Variants in USH2A observed in about 807,000 individuals in gnomAD.
The protein encoded by USH2A is Usher syndrome 2A (autosomal recessive, mild).
USH2A carries 443 observed loss-of-function variants against 538.9 expected under a neutral mutation model. That is an observed-to-expected ratio of 0.82 (90% CI 0.76 to 0.89). USH2A has a LOEUF of 0.89. Among genes scored for constraint, USH2A ranks in the 40% least tolerant of loss-of-function variants. USH2A has a pLI of 0.00. For missense variants in USH2A, 6,633 were observed against 6,324.8 expected (o/e 1.05, Z -1.65); for synonymous variants, 2,413 against 2,273.5 (o/e 1.06, Z -1.75).
intron 10 of USH2A, 30 bp from the exon 11 acceptor site, chr1:216,289,440 C>T (rs1245588126): frequency 2.3e-5 from 37 of 1,613,222 alleles, no homozygotes; most frequent in Non-Finnish European, 3.0e-5. Context: ...TGCATTATGA[C>T]TTCTAATTCA....
intron 44 of USH2A, among the ~76,000 whole-genome samples, chr1:215,850,282 T>C (rs1663981859): frequency 6.6e-6 from 1 of 152,142 alleles, no homozygotes; most frequent in South Asian, 2.1e-4. Flanking sequence ...TAGTAACCAT[T>C]AATATCATTA....
At chr1:216,373,732 C>T (rs962649332) in intron 3 of USH2A, among the ~76,000 whole-genome samples, 2 of 150,948 alleles carry the variant, frequency 1.3e-5, no homozygotes, top group African/African-American at 4.9e-5. Context: ...AGAAAAAACA[C>T]CTCCAGCCCC....
intron 20 of USH2A, among the ~76,000 whole-genome samples, chr1:216,186,025 T>G (rs149444353): frequency 2.2e-3 from 335 of 151,936 alleles, no homozygotes; most frequent in African/African-American, 7.7e-3. Flanking sequence ...GAGACTTTCT[T>G]TTTCTGCTGG....
At chr1:216,414,962 A>G (rs1366221369) in intron 3 of USH2A, among the ~76,000 whole-genome samples, 1 of 152,154 alleles carries the variant, frequency 6.6e-6, no homozygotes, top group Non-Finnish European at 1.5e-5. Flanking sequence ...TTATACTAAA[A>G]TATTTTTTCT....
At chr1:216,163,218 TG>T (rs1352110799) in intron 21 of USH2A, among the ~76,000 whole-genome samples, 5 of 151,956 alleles carry the variant, frequency 3.3e-5, no homozygotes. Context: ...GGGATGGAAT[TG>T]GTATTTTATC....
chr1:216,155,953 T>C lies in USH2A; in HGVS notation c.4627+19299A>G, dbSNP rs912303508. Among the ~76,000 whole-genome samples the C allele has an allele frequency of 4.6e-5, 7 of 152,298 alleles. No individual in the cohort carries two copies. The East Asian group carries it at 1.3e-3, about 29-fold the overall frequency. ...AGTGAGTCAATCTATGAATGGTACA[T>C]GTACAATATCAGTGAAAATATCAGC... On this transcript the variant is annotated intron_variant, in intron 21 of 71. Coordinates refer to ENST00000307340, the MANE Select transcript of USH2A (RefSeq NM_206933.4).
At chr1:215,712,717 A>T (rs528199204) in intron 61 of USH2A, among the ~76,000 whole-genome samples, 1 of 152,330 alleles carries the variant, frequency 6.6e-6, no homozygotes, top group East Asian at 1.9e-4. Flanking sequence ...GAAGAAATCC[A>T]TACTTTTGGG....
chr1:216,170,163 TAAG>T (rs1229735387), intron 21 of USH2A, among the ~76,000 whole-genome samples: 2 of 152,104 alleles, frequency 1.3e-5, no homozygotes, highest in Non-Finnish European at 1.5e-5. Context: ...TCACTAAAAA[TAAG>T]AAGACTAATA....
chr1:215,983,716 A>G (rs903595182), intron 35 of USH2A, among the ~76,000 whole-genome samples: 2 of 152,228 alleles, frequency 1.3e-5, no homozygotes, highest in East Asian at 1.9e-4. Context: ...CAGGAAACCA[A>G]TGACAACTCA....
In USH2A at chr1:215,634,651, T is replaced by G. The variant is rs762610249; in HGVS notation, c.15105A>C (p.Thr5035=). 4.3e-6 allele frequency: 7 copies of G among 1,614,126 alleles called. No homozygotes were observed. In the East Asian group the frequency reaches 1.6e-4, roughly 36 times the overall value. The change falls in exon 70 of 72, where the codon ACA becomes ACC. Residue 5035 remains threonine (T), a synonymous_variant. Coordinates refer to ENST00000307340, the MANE Select transcript of USH2A (RefSeq NM_206933.4). ...TGAACCACAGCTCGCTGTAGAACTC[T>G]GTGCTTTTGCTCCGCGATCCCTTCT... ...GKKKGSRSKS[T]EFYSELWFIV... is the part of the protein sequence containing the mutation.
rs186387387 is a variant in USH2A at position 216,193,822 on chromosome 1, G to A, written c.4251+2731C>T. Among the ~76,000 whole-genome samples, 374 of 151,922 alleles carry A rather than the reference G, an allele frequency of 2.5e-3. 2 individuals carry two copies. Among genetic ancestry groups the A allele is most frequent in the Middle Eastern group, 0.017 (5 of 294 alleles). ...TGGCTGTACTAACACCTAAATTTCCGTTGTTTTAAGACACTCAGTTTATGT... is the reference window on the plus strand; with the variant it reads ...TGGCTGTACTAACACCTAAATTTCCATTGTTTTAAGACACTCAGTTTATGT... On this transcript the variant is annotated intron_variant, in intron 19 of 71. Transcript: ENST00000307340.
chr1:216,330,024 G>A (rs1213973409), intron 4 of USH2A, among the ~76,000 whole-genome samples: 3 of 151,998 alleles, frequency 2.0e-5, no homozygotes, highest in Non-Finnish European at 4.4e-5. Context: ...TAACAAACAG[G>A]GGCTAGCCAT....
At chr1:215,774,943 T>C (rs1465147251) in intron 55 of USH2A, among the ~76,000 whole-genome samples, 1 of 151,894 alleles carries the variant, frequency 6.6e-6, no homozygotes, top group Non-Finnish European at 1.5e-5. Flanking sequence ...GGCACAAATT[T>C]AGTTGTTCTC....
chr1:216,227,307 A>G (rs1438665646), intron 14 of USH2A, among the ~76,000 whole-genome samples: 1 of 152,204 alleles, frequency 6.6e-6, no homozygotes, highest in Non-Finnish European at 1.5e-5. Context: ...AAAAAATCTG[A>G]TCTTTTATTT....
intron 37 of USH2A, among the ~76,000 whole-genome samples, chr1:215,945,088 G>C (rs535848350): frequency 4.1e-4 from 62 of 152,210 alleles, no homozygotes; most frequent in Middle Eastern, 6.8e-3. Flanking sequence ...GCTAGAGTCA[G>C]AGGCAAGAGA....
At position 215,712,640 on chromosome 1, in the gene USH2A, C is replaced by A. The variant is rs184417486; in HGVS notation, c.12066+15390G>T. Among the ~76,000 whole-genome samples, 84 of 152,280 alleles carry A rather than the reference C, an allele frequency of 5.5e-4. No homozygotes were observed. In the East Asian group the frequency reaches 0.016, roughly 29 times the overall value. On this transcript the variant is annotated intron_variant, in intron 61 of 71. Transcript: ENST00000307340. ...TCTTGGCTGGCCTTGTCTTTTCTTTCCCCACTGCTCTACCTGGAGTCTTGG... is the reference window on the plus strand; with the variant it reads ...TCTTGGCTGGCCTTGTCTTTTCTTTACCCACTGCTCTACCTGGAGTCTTGG...
rs771074875 is a variant in USH2A, at chr1:216,421,985, G to C, written c.352C>G (p.Pro118Ala). Residue 118 changes from proline (P) to alanine (A), a missense_variant, in exon 2 of 72, where the codon CCT becomes GCT. Coordinates refer to ENST00000307340, the MANE Select transcript of USH2A (RefSeq NM_206933.4). ...CITPDKNDLH[P>A]NAHSNSASFI... is the part of the protein sequence containing the mutation. ...CTTGCAGAATTGCTATGGGCGTTAG[G>C]ATGCAGATCATTCTTGTCTGGTGTG... is the stretch of plus-strand genomic sequence containing the variant. 2 of 1,613,942 alleles carry C rather than the reference G, an allele frequency of 1.2e-6. No homozygotes were observed.
chr1:215,789,912 C>A, intron 51 of USH2A, 147 bp downstream of exon 51: 1 of 722,600 alleles, frequency 1.4e-6, no homozygotes. Context: ...TCATAGCGAA[C>A]TCATTCGGTA....
chr1:215,775,094 C>T lies in USH2A; in HGVS notation c.10939+4749G>A, dbSNP rs1571674254. On this transcript the variant is annotated intron_variant, in intron 55 of 71. Transcript: ENST00000307340. Reference sequence around the variant, plus strand: ...ACAACCATAGAAGAAACTCCCAAAGCTTTTTGAGGACATTATCACCATCCT... The same window carrying T: ...ACAACCATAGAAGAAACTCCCAAAGTTTTTTGAGGACATTATCACCATCCT... 2.6e-5 allele frequency among the ~76,000 whole-genome samples: 4 copies of T among 152,112 alleles called. No homozygotes were observed. The South Asian group carries it at 8.3e-4, about 32-fold the overall frequency.
Sources: gnomAD v4.1 joint callset for allele counts (sites outside exome capture counted in the v4.1 genomes callset) on GRCh38, gnomAD v4.1.1 for gene constraint, MANE v1.5 for transcripts, NCBI Gene and HGNC (gene_info 2026-07-23, HGNC 2026-07-21) for gene names.